ICAM3: variants seen among roughly 807,000 people sequenced by gnomAD.
ICAM3 encodes ICAM-3.
Under a neutral mutation model 43.6 loss-of-function variants are expected in ICAM3, and 54 were observed. The observed-to-expected ratio is 1.24, with a 90% CI of 0.99 to 1.55. The LOEUF (loss-of-function observed/expected upper bound fraction) is 1.55, where lower values mean the gene tolerates loss of function less well. ICAM3 is among the 40% of genes most tolerant of loss of function. The pLI is 0.00. For synonymous variants in ICAM3, 306 were observed against 312.6 expected (o/e 0.98, Z 0.22); for missense variants, 715 against 717.9 (o/e 1.00, Z 0.05).
At chr19:10,336,096 T>TA in intron 2 of ICAM3, 120 bp from the exon 3 acceptor site, 1 of 856,306 alleles carries the variant, frequency 1.2e-6, no homozygotes, top group Non-Finnish European at 1.8e-6. Flanking sequence ...TTAATAAACT[T>TA]AGAGGGCTTA....
At position 10,334,459 on chromosome 19, in the gene ICAM3, G is replaced by T; in HGVS notation, c.1193-51C>A. On this transcript the variant is annotated intron_variant, in intron 5 of 6. Coordinates refer to ENST00000160262, the MANE Select transcript of ICAM3 (RefSeq NM_002162.5). This position sits in a 1 kb window ranked among gnomAD's most constrained non-coding sequence, Gnocchi z 5.5. ...ACACCCAACACACCCGAGGCACAGT[G>T]GTGCAGAGGAGCGTCTAATCTTTCC... 6.2e-7 allele frequency: 1 copy of T among 1,609,464 alleles called. No homozygotes were observed. The highest frequency in any genetic ancestry group is 8.5e-7 in the Non-Finnish European group (1 of 1,176,696).
At position 10,338,808 on chromosome 19, in the gene ICAM3, G is replaced by A. The variant is rs2040624750; in HGVS notation, c.217C>T (p.Leu73=). The change falls in exon 2 of 7, where the codon CTG becomes TTG. Residue 73 remains leucine, a synonymous_variant. Transcript: ENST00000160262. ...GCCCAGCCCATGCCACTGGCCACCA[G>A]CTCCTTTGATAGGGACGTCTCCAAG... The part of the protein sequence containing the change: ...IALETSLSKE[L]VASGMGWAAF... The A allele has an allele frequency of 6.2e-7, 1 of 1,614,078 alleles. No individual in the cohort carries two copies. Among genetic ancestry groups the A allele is most frequent in the African/African-American group, 1.3e-5 (1 of 74,928 alleles).
chr19:10,333,946 A>G lies in ICAM3; in HGVS notation c.1555T>C (p.Tyr519His). ...TAGGTGCTCTCCTCCCTAACATGGT[A>G]ACTGCCGCTCCGTTGGTGCTCCCTG... The part of the protein sequence containing the change: ...VFREHQRSGS[Y>H]HVREESTYLP... The change falls in exon 7 of 7, where the codon TAC (tyrosine) becomes CAC (histidine). Residue 519 changes from tyrosine (Y) to histidine (H), a missense_variant. Coordinates refer to ENST00000160262, the MANE Select transcript of ICAM3 (RefSeq NM_002162.5). This position sits in a 1 kb window ranked among gnomAD's most constrained non-coding sequence, Gnocchi z 4.2. 6.2e-7 allele frequency: 1 copy of G among 1,614,104 alleles called. No individual in the cohort carries two copies. Among genetic ancestry groups the G allele is most frequent in the Non-Finnish European group, 8.5e-7 (1 of 1,180,026 alleles).
At position 10,339,596 on chromosome 19, in the gene ICAM3, A is replaced by G; in HGVS notation, c.19T>C (p.Ser7Pro). ...CAGCAGGCCCTGGGCCACAACACGGATGGTACCATGGTGGCCATTCTGACA... is the reference window on the plus strand; with the variant it reads ...CAGCAGGCCCTGGGCCACAACACGGGTGGTACCATGGTGGCCATTCTGACA... Reference protein sequence around the residue: MATMVPSVLWPRACWTL... With the variant: MATMVPPVLWPRACWTL... Residue 7 changes from serine (S) to proline (P), a missense_variant, in exon 1 of 7, where the codon TCC becomes CCC. Physicochemically the swap from Ser to Pro is moderately conservative, Grantham distance 74. Coordinates refer to ENST00000160262, the MANE Select transcript of ICAM3 (RefSeq NM_002162.5). 6.2e-7 allele frequency: 1 copy of G among 1,613,960 alleles called. No individual in the cohort carries two copies.
rs2040635034 is a variant in ICAM3, at chr19:10,339,571, C to T, written c.44G>A (p.Trp15Ter). 9.3e-6 allele frequency: 15 copies of T among 1,614,058 alleles called. No individual in the cohort carries two copies. The highest frequency in any genetic ancestry group is 1.3e-5 in the Non-Finnish European group (15 of 1,179,996). The part of the protein sequence containing the change: ...VPSVLWPRAC[W>*]TLLVCCLLTP... Reference sequence around the variant, plus strand: ...CAGCAGACAGCAGACCAGCAGAGTCCAGCAGGCCCTGGGCCACAACACGGA... The same window carrying T: ...CAGCAGACAGCAGACCAGCAGAGTCTAGCAGGCCCTGGGCCACAACACGGA... Residue 15 changes from tryptophan (W) to a stop codon, truncating the protein, a stop_gained, in exon 1 of 7, where the codon TGG becomes TAG. Coordinates refer to ENST00000160262, the MANE Select transcript of ICAM3 (RefSeq NM_002162.5). LOFTEE classifies it high-confidence loss of function.
rs576276570 is a variant in ICAM3 at position 10,334,106 on chromosome 19, A to AC, written c.1442-48dup. ...TCAATATGCGTCCCTTCTGTCTCCAACCCCCCCGCCCCCCGGCTTACCGGT... is the reference window on the plus strand; with the variant it reads ...TCAATATGCGTCCCTTCTGTCTCCAACCCCCCCCGCCCCCCGGCTTACCGGT... On this transcript the variant is annotated intron_variant, in intron 6 of 6. Transcript: ENST00000160262. This position sits in a 1 kb window ranked among gnomAD's most constrained non-coding sequence, Gnocchi z 5.5. 9.9e-5 allele frequency: 156 copies of AC among 1,578,980 alleles called. 2 individuals are homozygous for AC. Among genetic ancestry groups the AC allele is most frequent in the East Asian group, 5.2e-4 (23 of 44,400 alleles).
At position 10,338,752 on chromosome 19, in the gene ICAM3, G is replaced by A. The variant is rs970672824; in HGVS notation, c.273C>T (p.Asn91=). The stretch of plus-strand genomic sequence containing the variant: ...AGTACACTGAGCAGAGGATCCGACT[G>A]TTGCCAGTCACGTTGCTGAGATTGA... ...AAFNLSNVTG[N]SRILCSVYCN... The change falls in exon 2 of 7, where the codon AAC becomes AAT. Residue 91 remains asparagine (N), a synonymous_variant. Transcript: ENST00000160262. 2.5e-6 allele frequency: 4 copies of A among 1,614,158 alleles called. No individual in the cohort carries two copies. The highest frequency in any genetic ancestry group is 2.2e-5 in the South Asian group (2 of 91,084).
chr19:10,338,869 G>A lies in ICAM3; in HGVS notation c.156C>T (p.Asn52=), dbSNP rs1426953632. 6.2e-7 allele frequency: 1 copy of A among 1,614,012 alleles called. No individual in the cohort carries two copies. The highest frequency in any genetic ancestry group is 1.3e-5 in the African/African-American group (1 of 74,916). ...VLSAGGSLFV[N]CSTDCPSSEK... Reference sequence around the variant, plus strand: ...CAGAGCTGGGACAATCAGTACTGCAGTTCACAAACAGGGACCCTCCAGCAG... The same window carrying A: ...CAGAGCTGGGACAATCAGTACTGCAATTCACAAACAGGGACCCTCCAGCAG... Residue 52 remains asparagine, a synonymous_variant, in exon 2 of 7, where the codon AAC becomes AAT. Transcript: ENST00000160262.
chr19:10,335,095 C>A lies in ICAM3; in HGVS notation c.908G>T (p.Arg303Leu), dbSNP rs375185006. The A allele has an allele frequency of 6.2e-6, 10 of 1,613,386 alleles. No individual in the cohort carries two copies. Among genetic ancestry groups the A allele is most frequent in the Non-Finnish European group, 7.6e-6 (9 of 1,179,720 alleles). ...VCNVTLGGERREARENLTVFS... is the reference protein window; with the variant it reads ...VCNVTLGGERLEARENLTVFS... The stretch of plus-strand genomic sequence containing the variant: ...GACCGTCAAGTTCTCCCGGGCCTCC[C>A]GTCTCTCGCCCCCTAGGGTCACGTT... The change falls in exon 4 of 7, where the codon CGG (arginine) becomes CTG (leucine). Residue 303 changes from arginine (R) to leucine (L), a missense_variant. Transcript: ENST00000160262.
chr19:10,336,133 A>G (rs1397069538), intron 2 of ICAM3, 157 bp from the exon 3 acceptor site: 3 of 647,078 alleles, frequency 4.6e-6, no homozygotes, highest in Non-Finnish European at 7.9e-6. Context: ...AGCGTTTGCT[A>G]TTATCATTAG....
Position 10,334,036 on chromosome 19 carries a change from C to T in ICAM3, c.1465G>A (p.Val489Ile). Residue 489 changes from valine (V) to isoleucine (I), a missense_variant, in exon 7 of 7, where the codon GTC becomes ATC. Transcript: ENST00000160262. This position sits in a 1 kb window ranked among gnomAD's most constrained non-coding sequence, Gnocchi z 5.5. Reference protein sequence around the residue: ...IEAGSSHFVPVFVAVLLTLGV... With the variant: ...IEAGSSHFVPIFVAVLLTLGV... ...AGGGTCAGTAACACCGCCACGAAGACGGGGACAAAGTGGGAGCTCCCAGCT... is the reference window on the plus strand; with the variant it reads ...AGGGTCAGTAACACCGCCACGAAGATGGGGACAAAGTGGGAGCTCCCAGCT... 1 of 1,614,100 alleles carries T rather than the reference C, an allele frequency of 6.2e-7. No individual in the cohort carries two copies. The highest frequency in any genetic ancestry group is 8.5e-7 in the Non-Finnish European group (1 of 1,180,008).
At position 10,334,645 on chromosome 19, in the gene ICAM3, G is replaced by A. The variant is rs767401178; in HGVS notation, c.1075C>T (p.Gln359Ter). The part of the protein sequence containing the change: ...VPAAAPGQPA[Q>*]LQLNATESDD... The stretch of plus-strand genomic sequence containing the variant: ...CTCTCGGTAGCATTTAGCTGAAGTT[G>A]AGCTGGCTGCCCCGGGGCCGCGGCC... Residue 359 changes from glutamine (Q) to a stop codon, truncating the protein, a stop_gained, in exon 5 of 7, where the codon CAA becomes TAA. Transcript: ENST00000160262. LOFTEE classifies it high-confidence loss of function. This position sits in a 1 kb window ranked among gnomAD's most constrained non-coding sequence, Gnocchi z 5.5. The A allele has an allele frequency of 6.2e-7, 1 of 1,613,414 alleles. No individual in the cohort carries two copies. The highest frequency in any genetic ancestry group is 2.2e-5 in the East Asian group (1 of 44,892).
Position 10,338,809 on chromosome 19 carries a change from C to T in ICAM3, c.216G>A (p.Glu72=). The change falls in exon 2 of 7, where the codon GAG becomes GAA. Residue 72 remains glutamate, a synonymous_variant. Coordinates refer to ENST00000160262, the MANE Select transcript of ICAM3 (RefSeq NM_002162.5). ...CCCAGCCCATGCCACTGGCCACCAG[C>T]TCCTTTGATAGGGACGTCTCCAAGG... ...KIALETSLSK[E]LVASGMGWAA... is the part of the protein sequence containing the mutation. 1 of 1,614,212 alleles carries T rather than the reference C, an allele frequency of 6.2e-7. No individual in the cohort carries two copies.
chr19:10,338,572 G>C, intron 2 of ICAM3, 110 bp downstream of exon 2: 1 of 972,564 alleles, frequency 1.0e-6, no homozygotes, highest in Non-Finnish European at 1.6e-6. Context: ...CTCTGGGTCA[G>C]AACTGTGGTC....
intron 4 of ICAM3, 53 bp downstream of exon 4, chr19:10,335,013 T>C: frequency 6.4e-7 from 1 of 1,573,452 alleles, no homozygotes. Context: ...CCGCCCCCTC[T>C]GCCACGCCCC....
rs571461874 is a variant in ICAM3 at position 10,336,121 on chromosome 19, G to A, written c.344-145C>T. On this transcript the variant is annotated intron_variant, in intron 2 of 6. Coordinates refer to ENST00000160262, the MANE Select transcript of ICAM3 (RefSeq NM_002162.5). ...TAGAGGGCTTAGAGCTGGGCCAGTC[G>A]AAGCGTTTGCTATTATCATTAGCGC... The A allele has an allele frequency of 7.2e-6, 5 of 697,580 alleles. No individual in the cohort carries two copies. In the East Asian group the frequency reaches 1.1e-4, roughly 15 times the overall value. The allele number at this position is 697,580 out of a possible 1,614,324, so 43.2% of individuals were successfully genotyped here. A position where few individuals can be genotyped will look rare whatever the true frequency, so the allele number is the denominator to read the frequency against.
rs1279920365 is a variant in ICAM3 at position 10,335,157 on chromosome 19, C to T, written c.846G>A (p.Ala282=). The T allele has an allele frequency of 1.2e-6, 2 of 1,613,790 alleles. No homozygotes were observed. Among genetic ancestry groups the T allele is most frequent in the Admixed American group, 3.3e-5 (2 of 60,010 alleles). The change falls in exon 4 of 7, where the codon GCG becomes GCA. Residue 282 remains alanine (A), a synonymous_variant. Coordinates refer to ENST00000160262, the MANE Select transcript of ICAM3 (RefSeq NM_002162.5). The part of the protein sequence containing the change: ...DTLTATATAT[A]RADQEGAREI... ...CCCGGGCACCCTCCTGATCCGCGCG[C>T]GCCGTGGCTGTGGCTGTGGCCGTTA...
Position 10,336,721 on chromosome 19 carries a change from G to T in ICAM3, c.344-745C>A, listed in dbSNP as rs947112702. 7.5e-5 allele frequency among the ~76,000 whole-genome samples: 11 copies of T among 145,750 alleles called. No homozygotes were observed. The South Asian group carries it at 2.4e-3, about 32-fold the overall frequency. ...CTCAGGAGGCTGAGGCACAAGAATC[G>T]CTTGAACCCAGGAGGCAAAATTTGC... On this transcript the variant is annotated intron_variant, in intron 2 of 6. Transcript: ENST00000160262.
At chr19:10,335,628 C>T (rs756959657) in intron 3 of ICAM3, 43 bp downstream of exon 3, 7 of 1,542,158 alleles carry the variant, frequency 4.5e-6, no homozygotes, top group Non-Finnish European at 6.2e-6. Flanking sequence ...ACCGTCTACC[C>T]TGGCTCAGCT....
Sources: allele counts gnomAD v4.1 joint callset (sites outside exome capture counted in the v4.1 genomes callset), GRCh38; gene constraint gnomAD v4.1.1; non-coding constraint Gnocchi (gnomAD v3.1); transcripts MANE v1.5; gene names NCBI Gene and HGNC (gene_info 2026-07-23, HGNC 2026-07-21).